The following ACOT11 variants were observed in gnomAD, a reference collection of about 807,000 sequenced individuals.
ACOT11 encodes acyl-CoA thioesterase 11, also known as acyl-coenzyme A thioesterase 11.
Under a neutral mutation model 77.5 loss-of-function variants are expected in ACOT11, and 69 were observed. That is an observed-to-expected ratio of 0.89 (90% CI 0.73 to 1.09). ACOT11 has a LOEUF of 1.09. Ranked by LOEUF, ACOT11 falls within the 50% of genes least tolerant of loss-of-function variation. The pLI is 0.00. For missense variants in ACOT11, 766 were observed against 813.7 expected, an observed-to-expected ratio of 0.94 and a Z score of 0.71; for synonymous variants, 279 against 313.0, an observed-to-expected ratio of 0.89 and a Z score of 1.15.
intron 1 of ACOT11, among the ~76,000 whole-genome samples, chr1:54,562,360 T>G (rs1384314890): frequency 5.1e-5 from 3 of 58,910 alleles, no homozygotes; most frequent in Admixed American, 1.3e-4. Context: ...CTGGCCGGGC[T>G]GAGGGGCTCC....
intron 1 of ACOT11, among the ~76,000 whole-genome samples, chr1:54,559,848 C>T (rs1200227606): frequency 6.6e-6 from 1 of 152,222 alleles, no homozygotes; most frequent in African/African-American, 2.4e-5. Flanking sequence ...CCCCAAGCTC[C>T]AGCTGGGCAG....
chr1:54,572,575 G>A (rs548708954), intron 1 of ACOT11, among the ~76,000 whole-genome samples: 1 of 152,304 alleles, frequency 6.6e-6, no homozygotes, highest in East Asian at 1.9e-4. Flanking sequence ...CCTGAGGGGG[G>A]GGGTCACACG....
intron 3 of ACOT11, among the ~76,000 whole-genome samples, chr1:54,591,260 G>A (rs767372983): frequency 7.2e-5 from 11 of 152,164 alleles, no homozygotes; most frequent in African/African-American, 1.4e-4. Context: ...CAGGCCTGGC[G>A]CTTGGCTCAG....
At chr1:54,622,920 A>T (rs1224436855) in intron 15 of ACOT11, among the ~76,000 whole-genome samples, 1 of 151,978 alleles carries the variant, frequency 6.6e-6, no homozygotes, top group Non-Finnish European at 1.5e-5. Context: ...CACACCTGTA[A>T]TCCCAGCACT....
At chr1:54,599,603 T>C in intron 8 of ACOT11, 188 bp downstream of exon 8, 1 of 598,540 alleles carries the variant, frequency 1.7e-6, no homozygotes, top group Non-Finnish European at 2.4e-6. Flanking sequence ...CTTCCCTGGC[T>C]CCCAGTCCTG....
At chr1:54,634,931 G>A (rs1644322909) in exon 17 of ACOT11, 1 of 510,314 alleles carries the variant, frequency 2.0e-6, no homozygotes, top group Non-Finnish European at 3.4e-6. Flanking sequence ...GGGACAACCA[G>A]TCACAATGAA....
chr1:54,610,689 A>G, downstream of ACOT11: 1 of 1,425,044 alleles, frequency 7.0e-7, no homozygotes, highest in South Asian at 1.5e-5. Flanking sequence ...AGTAGCTCTC[A>G]TTTCCTTGCC....
At chr1:54,624,930 G>A (rs1424556885) in intron 15 of ACOT11, among the ~76,000 whole-genome samples, 3 of 151,938 alleles carry the variant, frequency 2.0e-5, no homozygotes, top group African/African-American at 7.3e-5. Flanking sequence ...TGAGTGGTGA[G>A]TCTGGGGGTG....
At chr1:54,579,300 A>G (rs1406028351) in intron 1 of ACOT11, among the ~76,000 whole-genome samples, 1 of 152,038 alleles carries the variant, frequency 6.6e-6, no homozygotes, top group Non-Finnish European at 1.5e-5. Flanking sequence ...CTGGATTCCT[A>G]ACAATCCTCT....
At chr1:54,608,380 A>G (rs556418680) in intron 15 of ACOT11, among the ~76,000 whole-genome samples, 1 of 151,566 alleles carries the variant, frequency 6.6e-6, no homozygotes, top group South Asian at 2.1e-4. Flanking sequence ...AAGGCTTTAT[A>G]TGACTCTGAG....
rs1242767012 is a variant in ACOT11, at chr1:54,599,340, TC to T, written c.811del (p.His271ThrfsTer18). ...CCTACGCTGAAGGCCATTGAAATGT[TC>T]CACTTCCGAGGCCCGTCCCAGGTCG... Reference protein sequence around the residue: ...AHPTLKAIEMFHFRGPSQVGD... With the variant: ...AHPTLKAIEMXHFRGPSQVGD... On this transcript the variant is annotated frameshift_variant, in exon 8 of 16. Transcript: ENST00000343744. LOFTEE classifies it high-confidence loss of function. 1.9e-6 allele frequency: 3 copies of T among 1,609,132 alleles called. No homozygotes were observed. The highest frequency in any genetic ancestry group is 1.7e-5 in the Admixed American group (1 of 59,776).
At chr1:54,632,163 G>A (rs904191846) in intron 16 of ACOT11, among the ~76,000 whole-genome samples, 4 of 152,238 alleles carry the variant, frequency 2.6e-5, no homozygotes, top group African/African-American at 9.6e-5. Context: ...GGGCTAGTCA[G>A]TGTCACTCTA....
chr1:54,622,890 G>A (rs1170291534), intron 15 of ACOT11, among the ~76,000 whole-genome samples: 1 of 151,944 alleles, frequency 6.6e-6, no homozygotes, highest in African/African-American at 2.4e-5. Flanking sequence ...AGAAGAGCTG[G>A]TTGGCCAGGC....
chr1:54,601,506 A>G, intron 9 of ACOT11, 93 bp downstream of exon 9: 1 of 1,530,856 alleles, frequency 6.5e-7, no homozygotes, highest in South Asian at 1.2e-5. Flanking sequence ...CTACAGACCT[A>G]GAGGCGTGAG....
chr1:54,617,139 A>G (rs947326315), intron 15 of ACOT11, among the ~76,000 whole-genome samples: 3 of 152,184 alleles, frequency 2.0e-5, no homozygotes, highest in African/African-American at 7.2e-5. Context: ...CACATAGTTA[A>G]CTCAATCAGG....
At position 54,594,058 on chromosome 1, in the gene ACOT11, CT is replaced by C. The variant is rs767326119; in HGVS notation, c.471+20del. ...CACCAAGGTAACTGGGTGCGCCTGG[CT>C]GCTGGAACGCTGCTCAGTGACCTGG... On this transcript the variant is annotated intron_variant, in intron 5 of 15. Transcript: ENST00000343744. The C allele has an allele frequency of 6.2e-7, 1 of 1,608,700 alleles. No homozygotes were observed. The highest frequency in any genetic ancestry group is 8.5e-7 in the Non-Finnish European group (1 of 1,176,142).
intron 1 of ACOT11, among the ~76,000 whole-genome samples, chr1:54,558,109 C>T (rs1407292017): frequency 2.0e-5 from 3 of 152,194 alleles, no homozygotes; most frequent in Admixed American, 6.5e-5. Flanking sequence ...ATACTTCACT[C>T]GTTCCCTCCA....
rs142120798 is a variant in ACOT11 at position 54,607,960 on chromosome 1, G to A, written c.1521G>A (p.Ala507=). Residue 507 remains alanine (A), a synonymous_variant, in exon 15 of 16, where the codon GCG becomes GCA. Coordinates refer to ENST00000343744, the MANE Select transcript of ACOT11 (RefSeq NM_147161.4). The surrounding 1 kb of genome is among the most constrained non-coding windows in gnomAD (Gnocchi z 4.5). Reference sequence around the variant, plus strand: ...CACTCAGGGACCCCTATGTCATCGCGCTGAGGTCGGTCACGCTGCCCACAC... The same window carrying A: ...CACTCAGGGACCCCTATGTCATCGCACTGAGGTCGGTCACGCTGCCCACAC... ...PCDNGDPYVI[A]LRSVTLPTHR... is the part of the protein sequence containing the mutation. 141 of 1,613,718 alleles carry A rather than the reference G, an allele frequency of 8.7e-5. No individual in the cohort carries two copies. The highest frequency in any genetic ancestry group is 5.0e-5 in the Non-Finnish European group (59 of 1,179,930).
chr1:54,633,769 C>T (rs1644314581), intron 16 of ACOT11, among the ~76,000 whole-genome samples: 1 of 152,208 alleles, frequency 6.6e-6, no homozygotes, highest in African/African-American at 2.4e-5. Flanking sequence ...GCATTCCTAC[C>T]TATGCCAGGA....
Sources: gnomAD v4.1 joint callset for allele counts (sites outside exome capture counted in the v4.1 genomes callset) on GRCh38, gnomAD v4.1.1 for gene constraint, Gnocchi (gnomAD v3.1) non-coding constraint, MANE v1.5 for transcripts, NCBI Gene and HGNC (gene_info 2026-07-23, HGNC 2026-07-21) for gene names.